SEMA3E: variants seen among roughly 807,000 people sequenced by gnomAD.
SEMA3E encodes semaphorin 3E, also known as semaphorin-3E.
SEMA3E carries 49 observed loss-of-function variants against 93.6 expected under a neutral mutation model. The observed-to-expected ratio is 0.52, with a 90% CI of 0.42 to 0.66. The LOEUF is 0.66. SEMA3E is among the 30% of genes least tolerant of loss of function. The pLI is 0.00. For synonymous variants in SEMA3E, 363 were observed against 330.7 expected, an observed-to-expected ratio of 1.10 and a Z score of -1.06; for missense variants, 906 against 964.8, an observed-to-expected ratio of 0.94 and a Z score of 0.81.
chr7:83,614,762 A>G (rs1793330323), intron 1 of SEMA3E, among the ~76,000 whole-genome samples: 1 of 152,128 alleles, frequency 6.6e-6, no homozygotes, highest in South Asian at 2.1e-4. Context: ...TCTCAGTCTC[A>G]AAGCTCACAG....
chr7:83,442,450 C>G (rs191863510), intron 4 of SEMA3E, among the ~76,000 whole-genome samples: 113 of 152,238 alleles, frequency 7.4e-4, no homozygotes, highest in African/African-American at 2.6e-3. Context: ...CCACTTGGCT[C>G]CTTTACTTTT....
intron 1 of SEMA3E, among the ~76,000 whole-genome samples, chr7:83,576,834 G>T (rs1288297468): frequency 2.0e-5 from 3 of 151,884 alleles, no homozygotes; most frequent in Non-Finnish European, 4.4e-5. Context: ...GCCATGTTGG[G>T]CAGGCTGGTC....
chr7:83,571,733 G>T (rs969664293), intron 1 of SEMA3E, among the ~76,000 whole-genome samples: 10 of 152,144 alleles, frequency 6.6e-5, no homozygotes, highest in African/African-American at 2.4e-5. Flanking sequence ...GAGGAATCAG[G>T]CAAGAGAAAG....
intron 1 of SEMA3E, among the ~76,000 whole-genome samples, chr7:83,593,474 A>C (rs1792803405): frequency 6.6e-6 from 1 of 152,118 alleles, no homozygotes; most frequent in Middle Eastern, 3.4e-3. Flanking sequence ...ACAATTTAAA[A>C]CAATAAACAA....
At chr7:83,406,203 T>A in intron 7 of SEMA3E, 144 bp from the exon 8 acceptor site, 1 of 696,192 alleles carries the variant, frequency 1.4e-6, no homozygotes, top group African/African-American at 1.8e-5. Flanking sequence ...AGTAATGTCA[T>A]AGGTGCAACT....
intron 2 of SEMA3E, among the ~76,000 whole-genome samples, chr7:83,475,656 C>T (rs1208709870): frequency 6.7e-6 from 1 of 148,172 alleles, no homozygotes; most frequent in East Asian, 2.0e-4. Context: ...CTGCTGTGTG[C>T]CATGAGTAAT....
At chr7:83,404,628 C>T (rs1200315344) in intron 9 of SEMA3E, among the ~76,000 whole-genome samples, 1 of 151,804 alleles carries the variant, frequency 6.6e-6, no homozygotes, top group Non-Finnish European at 1.5e-5. Flanking sequence ...TCCATTTTTA[C>T]AGCACTTTAC....
At chr7:83,648,189 A>C (rs1794104792) in intron 1 of SEMA3E, among the ~76,000 whole-genome samples, 1 of 152,092 alleles carries the variant, frequency 6.6e-6, no homozygotes, top group Admixed American at 6.5e-5. Context: ...CAATGTTTAC[A>C]GACAAAAATA....
chr7:83,514,133 T>C (rs1790881277), intron 1 of SEMA3E, among the ~76,000 whole-genome samples: 1 of 152,140 alleles, frequency 6.6e-6, no homozygotes, highest in South Asian at 2.1e-4. Context: ...AGTTTACTAA[T>C]GCCATGGCAA....
chr7:83,434,771 T>C (rs1363914386), intron 4 of SEMA3E, among the ~76,000 whole-genome samples: 1 of 145,470 alleles, frequency 6.9e-6, no homozygotes, highest in African/African-American at 2.5e-5. Flanking sequence ...TGGAGTGCAG[T>C]GGCGGGATCT....
Position 83,367,651 on chromosome 7 carries a change from G to A in SEMA3E, c.2263C>T (p.Gln755Ter). The A allele has an allele frequency of 2.5e-6, 4 of 1,614,126 alleles. No individual in the cohort carries two copies. The highest frequency in any genetic ancestry group is 3.4e-6 in the Non-Finnish European group (4 of 1,180,018). Residue 755 changes from glutamine (Q) to a stop codon, truncating the protein, a stop_gained, in exon 17 of 17, where the codon CAG becomes TAG. Coordinates refer to ENST00000643230, the MANE Select transcript of SEMA3E (RefSeq NM_012431.3). LOFTEE classifies it high-confidence loss of function. ...GGTTTGGAACGGAGCTTCTTTTCCT[G>A]AGGGTTGGCATACTTCCACTTGGAG... ...SPSKWKYANP[Q>*]EKKLRSKPEH...
At chr7:83,597,116 T>A (rs1792891856) in intron 1 of SEMA3E, among the ~76,000 whole-genome samples, 2 of 152,158 alleles carry the variant, frequency 1.3e-5, no homozygotes, top group Admixed American at 1.3e-4. Context: ...CTATCTATTT[T>A]ATGGATATCA....
At chr7:83,495,468 A>G (rs1483566864) in intron 1 of SEMA3E, among the ~76,000 whole-genome samples, 1 of 131,312 alleles carries the variant, frequency 7.6e-6, no homozygotes, top group Non-Finnish European at 1.8e-5. Flanking sequence ...AGCATTATAA[A>G]CATAAAACAA....
intron 1 of SEMA3E, among the ~76,000 whole-genome samples, chr7:83,582,650 A>G (rs2115914621): frequency 6.6e-6 from 1 of 152,254 alleles, no homozygotes; most frequent in East Asian, 1.9e-4. Flanking sequence ...AAAATAATTT[A>G]ATATCTATTT....
chr7:83,420,200 C>T (rs1024514013), intron 4 of SEMA3E, among the ~76,000 whole-genome samples: 1 of 152,084 alleles, frequency 6.6e-6, no homozygotes, highest in Non-Finnish European at 1.5e-5. Flanking sequence ...TACCCACACA[C>T]AATAAAACCA....
At chr7:83,451,361 C>G (rs1562788145) in intron 4 of SEMA3E, among the ~76,000 whole-genome samples, 1 of 151,928 alleles carries the variant, frequency 6.6e-6, no homozygotes, top group Non-Finnish European at 1.5e-5. Flanking sequence ...AAAAATTCAC[C>G]AAATTTAACT....
At chr7:83,409,136 G>A (rs981094961) in intron 5 of SEMA3E, among the ~76,000 whole-genome samples, 7 of 152,166 alleles carry the variant, frequency 4.6e-5, no homozygotes, top group African/African-American at 1.7e-4. Context: ...GTTGCAACAT[G>A]TGGTGGCAGT....
intron 13 of SEMA3E, among the ~76,000 whole-genome samples, chr7:83,393,458 G>A (rs1213350552): frequency 6.6e-6 from 1 of 152,292 alleles, no homozygotes; most frequent in East Asian, 1.9e-4. Context: ...ACCCTGGGGA[G>A]GTTGAGTCTG....
At chr7:83,502,831 G>A (rs978488601) in intron 1 of SEMA3E, among the ~76,000 whole-genome samples, 2 of 152,042 alleles carry the variant, frequency 1.3e-5, no homozygotes, top group Non-Finnish European at 2.9e-5. Flanking sequence ...ACCTAGACCA[G>A]TTCCTATGGT....
Sources: allele counts gnomAD v4.1 joint callset (sites outside exome capture counted in the v4.1 genomes callset), GRCh38; gene constraint gnomAD v4.1.1; transcripts MANE v1.5; gene names NCBI Gene and HGNC (gene_info 2026-07-23, HGNC 2026-07-21).